MDM4: variants seen among roughly 807,000 people sequenced by gnomAD.
MDM4 encodes the protein MDM4 regulator of p53, also known as protein Mdm4.
MDM4 carries 2 observed loss-of-function variants against 60.2 expected under a neutral mutation model. That is an observed-to-expected ratio of 0.03 (90% CI 0.01 to 0.10). The LOEUF (loss-of-function observed/expected upper bound fraction) is 0.10, where lower values mean the gene tolerates loss of function less well. Among genes scored for constraint, MDM4 ranks in the 10% least tolerant of loss-of-function variants. MDM4 has a pLI of 1.00. For missense variants in MDM4, 447 were observed against 577.5 expected, an observed-to-expected ratio of 0.77 and a Z score of 2.32; for synonymous variants, 202 against 198.1, an observed-to-expected ratio of 1.02 and a Z score of -0.17.
Position 204,556,206 on chromosome 1 carries a change from T to C in MDM4, c.*6524T>C. 4.4e-6 allele frequency: 1 copy of C among 225,900 alleles called. No homozygotes were observed. Among genetic ancestry groups the C allele is most frequent in the East Asian group, 6.4e-5 (1 of 15,664 alleles). 14.0% of individuals were successfully genotyped at this position (225,900 alleles called of 1,614,324 possible). On this transcript the variant is annotated 3_prime_UTR_variant, in exon 11 of 11. Coordinates refer to ENST00000367182, the MANE Select transcript of MDM4 (RefSeq NM_002393.5). The stretch of plus-strand genomic sequence containing the variant: ...TTATACCAAAGACCCTTATCAGCCC[T>C]TGTAACTACAGTATCTTTAGATAAG...
intron 3 of MDM4, chr1:204,529,078 G>A: frequency 7.0e-7 from 1 of 1,422,196 alleles, no homozygotes; most frequent in Non-Finnish European, 9.8e-7. Context: ...AGAGCTTGCT[G>A]CAGCTCTGTG....
chr1:204,529,566 C>A, intron 3 of MDM4: 2 of 1,457,704 alleles, frequency 1.4e-6, no homozygotes, highest in Non-Finnish European at 1.9e-6. Context: ...ATAGCCACCA[C>A]CAGGGGGTAG....
chr1:204,538,855 G>A (rs1178515520), intron 7 of MDM4, among the ~76,000 whole-genome samples: 3 of 146,430 alleles, frequency 2.0e-5, no homozygotes, highest in Non-Finnish European at 3.0e-5. Flanking sequence ...ACAGGTGTGT[G>A]CCACCACGCC....
At chr1:204,540,280 G>C (rs1403247813) in intron 7 of MDM4, among the ~76,000 whole-genome samples, 1 of 103,820 alleles carries the variant, frequency 9.6e-6, no homozygotes, top group Admixed American at 9.8e-5. Context: ...GCGAGACTCT[G>C]TCTCAAAAAA....
chr1:204,520,268 A>G (rs896583366), intron 1 of MDM4, among the ~76,000 whole-genome samples: 3 of 140,084 alleles, frequency 2.1e-5, no homozygotes, highest in African/African-American at 8.4e-5. Flanking sequence ...ACAGAGCGAG[A>G]CTCCATCTCA....
intron 7 of MDM4, among the ~76,000 whole-genome samples, chr1:204,539,763 T>C (rs994887559): frequency 1.3e-5 from 2 of 151,470 alleles, no homozygotes; most frequent in African/African-American, 4.9e-5. Context: ...GTTGATGTCA[T>C]GACCTCGTGA....
At chr1:204,530,942 C>T in intron 4 of MDM4, 125 bp downstream of exon 4, 1 of 1,209,244 alleles carries the variant, frequency 8.3e-7, no homozygotes, top group East Asian at 2.4e-5. Context: ...GTTAGGTAGC[C>T]TATGAGGCAC....
At chr1:204,541,385 T>C (rs757444780) in intron 7 of MDM4, among the ~76,000 whole-genome samples, 1 of 152,124 alleles carries the variant, frequency 6.6e-6, no homozygotes, top group Non-Finnish European at 1.5e-5. Flanking sequence ...AAGGATCACT[T>C]GAGCCCAAGA....
chr1:204,554,120 A>G lies in MDM4; in HGVS notation c.*4438A>G, dbSNP rs997487848. On this transcript the variant is annotated 3_prime_UTR_variant, in exon 11 of 11. Transcript: ENST00000367182. ...GTAACATTTTGTGTGTGTCAATTCA[A>G]TGCAATGTTGGCTGCCTTTTGAAGT... 5 of 229,410 alleles carry G rather than the reference A, an allele frequency of 2.2e-5. No individual in the cohort carries two copies. Among genetic ancestry groups the G allele is most frequent in the Admixed American group, 5.7e-5 (1 of 17,672 alleles). 14.2% of individuals were successfully genotyped at this position (229,410 alleles called of 1,614,324 possible).
chr1:204,531,544 C>G (rs1389294214), intron 4 of MDM4, among the ~76,000 whole-genome samples: 1 of 152,176 alleles, frequency 6.6e-6, no homozygotes, highest in Non-Finnish European at 1.5e-5. Context: ...CTAAGACTTC[C>G]CTTAGCTGGG....
chr1:204,529,607 G>A (rs1660642086), intron 3 of MDM4: 12 of 1,256,406 alleles, frequency 9.6e-6, no homozygotes, highest in South Asian at 7.5e-5. Flanking sequence ...CACTACTGGG[G>A]GGGGTCCAAG....
intron 4 of MDM4, among the ~76,000 whole-genome samples, chr1:204,531,026 T>G (rs1660803153): frequency 6.6e-6 from 1 of 152,222 alleles, no homozygotes; most frequent in Non-Finnish European, 1.5e-5. Context: ...TAGATGCTCT[T>G]GCCCATCTTA....
chr1:204,538,124 T>G, intron 6 of MDM4, 85 bp from the exon 7 acceptor site: 1 of 800,556 alleles, frequency 1.2e-6, no homozygotes. Context: ...TGTTGCACAC[T>G]AACTGGTGAG....
intron 1 of MDM4, among the ~76,000 whole-genome samples, chr1:204,523,870 G>A (rs1444143490): frequency 6.6e-6 from 1 of 152,210 alleles, no homozygotes; most frequent in Non-Finnish European, 1.5e-5. Flanking sequence ...GACGCAGGTA[G>A]CCCCTACTTC....
At chr1:204,532,590 A>G (rs1660975279) in intron 5 of MDM4, 4 of 598,988 alleles carry the variant, frequency 6.7e-6, no homozygotes, top group East Asian at 5.8e-5. Context: ...CCATAATCCT[A>G]TTTCATAGCC....
chr1:204,525,489 C>G lies in MDM4; in HGVS notation c.-30C>G. 6.3e-7 allele frequency: 1 copy of G among 1,582,736 alleles called. No homozygotes were observed. Among genetic ancestry groups the G allele is most frequent in the Non-Finnish European group, 8.5e-7 (1 of 1,171,652 alleles). On this transcript the variant is annotated 5_prime_UTR_variant, in exon 2 of 11. Coordinates refer to ENST00000367182, the MANE Select transcript of MDM4 (RefSeq NM_002393.5). ...AAATTTTTTTTTCTATTTAGTTTTA[C>G]CAACAGACTGCAGTTTCTTCACTAC...
At chr1:204,545,371 T>C (rs940845917) in intron 9 of MDM4, among the ~76,000 whole-genome samples, 2 of 151,856 alleles carry the variant, frequency 1.3e-5, no homozygotes, top group Non-Finnish European at 2.9e-5. Context: ...GAAGTACTCA[T>C]GTGTATGGTA....
In MDM4 at chr1:204,520,426, A is replaced by G. The variant is rs1348019742; in HGVS notation, c.-36+3917A>G. 2.6e-5 allele frequency among the ~76,000 whole-genome samples: 4 copies of G among 151,574 alleles called. No homozygotes were observed. In the East Asian group the frequency reaches 7.7e-4, roughly 29 times the overall value. Reference sequence around the variant, plus strand: ...ACTAAACTAAAAATACTTTTTAGGAATCCATTTTGATGCAGTAAAATGTAT... The same window carrying G: ...ACTAAACTAAAAATACTTTTTAGGAGTCCATTTTGATGCAGTAAAATGTAT... On this transcript the variant is annotated intron_variant, in intron 1 of 10. Coordinates refer to ENST00000367182, the MANE Select transcript of MDM4 (RefSeq NM_002393.5).
intron 7 of MDM4, among the ~76,000 whole-genome samples, chr1:204,538,706 CT>C (rs761804094): frequency 0.015 from 2,133 of 139,436 alleles, 10 homozygotes; most frequent in African/African-American, 0.019. Flanking sequence ...AATTTTCATA[CT>C]TTTTTTTTTT....
Sources: gnomAD v4.1 joint callset for allele counts (sites outside exome capture counted in the v4.1 genomes callset) on GRCh38, gnomAD v4.1.1 for gene constraint, MANE v1.5 for transcripts, NCBI Gene and HGNC (gene_info 2026-07-23, HGNC 2026-07-21) for gene names.